The following ZNF516 variants were observed in gnomAD, a reference collection of about 807,000 sequenced individuals.
ZNF516 encodes the protein zinc finger protein 516.
Under a neutral mutation model 79.7 loss-of-function variants are expected in ZNF516, and 19 were observed. That is an observed-to-expected ratio of 0.24 (90% CI 0.17 to 0.35). The LOEUF is 0.35. ZNF516 is among the 10% of genes least tolerant of loss of function. The pLI is 1.00. For missense variants in ZNF516, 1,678 were observed against 1,679.5 expected (o/e 1.00, Z 0.02); for synonymous variants, 877 against 739.5 (o/e 1.19, Z -3.02).
At chr18:76,427,593 A>G (rs2075612386) in intron 3 of ZNF516, among the ~76,000 whole-genome samples, 1 of 152,268 alleles carries the variant, frequency 6.6e-6, no homozygotes, top group African/African-American at 2.4e-5. Context: ...ATGGTAGGGT[A>G]GAGAATGTCT....
chr18:76,492,090 G>A (rs1915262802), intron 1 of ZNF516: 9 of 900,872 alleles, frequency 1.0e-5, no homozygotes, highest in African/African-American at 1.8e-5. Context: ...CCTCCCAGGG[G>A]TCTCCCTGCA....
At chr18:76,483,437 A>C (rs1294219388) in intron 1 of ZNF516, among the ~76,000 whole-genome samples, 1 of 151,630 alleles carries the variant, frequency 6.6e-6, no homozygotes, top group Non-Finnish European at 1.5e-5. Flanking sequence ...CTCCCTGCCC[A>C]CTCCTGTGGG....
At position 76,379,510 on chromosome 18, in the gene ZNF516, C is replaced by T. The variant is rs1390447517; in HGVS notation, c.2604G>A (p.Glu868=). The change falls in exon 4 of 7, where the codon GAG becomes GAA. Residue 868 remains glutamate (E), a synonymous_variant. Coordinates refer to ENST00000443185, the MANE Select transcript of ZNF516 (RefSeq NM_014643.4). ...TKAASMPKNK[E]SHSGGPCALW... is the part of the protein sequence containing the mutation. ...GAGCGCAGGGACCTCCGGAATGGCT[C>T]TCCTTATTCTTAGGCATGCTAGCGG... The T allele has an allele frequency of 6.2e-7, 1 of 1,613,778 alleles. No homozygotes were observed. Among genetic ancestry groups the T allele is most frequent in the Non-Finnish European group, 8.5e-7 (1 of 1,179,900 alleles).
chr18:76,371,403 C>T, intron 5 of ZNF516, 64 bp downstream of exon 5: 1 of 1,472,430 alleles, frequency 6.8e-7, no homozygotes, highest in Non-Finnish European at 9.2e-7. Context: ...ATGGTCAAGC[C>T]ACTGACAGAA....
chr18:76,404,795 G>A (rs1227766694), intron 3 of ZNF516, among the ~76,000 whole-genome samples: 1 of 152,122 alleles, frequency 6.6e-6, no homozygotes, highest in East Asian at 1.9e-4. Flanking sequence ...GTGAGCATAT[G>A]TGTGCATGTT....
intron 1 of ZNF516, among the ~76,000 whole-genome samples, chr18:76,491,355 C>G (rs1488194909): frequency 7.5e-6 from 1 of 133,814 alleles, no homozygotes; most frequent in African/African-American, 2.8e-5. Context: ...CTTCCCCCCG[C>G]AGCCCCCTCT....
intron 2 of ZNF516, among the ~76,000 whole-genome samples, chr18:76,456,752 T>TGGGGG (rs5826456): frequency 8.5e-6 from 1 of 117,598 alleles, no homozygotes; most frequent in South Asian, 2.7e-4. Flanking sequence ...GGCTGGGGGG[T>TGGGGG]GGGGGGGGGC....
At position 76,362,537 on chromosome 18, in the gene ZNF516, T is replaced by C; in HGVS notation, c.3453A>G (p.Thr1151=). 6.2e-7 allele frequency: 1 copy of C among 1,612,778 alleles called. No homozygotes were observed. Among genetic ancestry groups the C allele is most frequent in the Non-Finnish European group, 8.5e-7 (1 of 1,178,860 alleles). ...APKQGRDHSN[T]GTVQTVPLRK... is the part of the protein sequence containing the mutation. ...TCAGAGGCACTGTCTGGACGGTACC[T>C]GTGTTAGAATGGTCTCTCCCCTGGG... Residue 1151 remains threonine (T), a synonymous_variant, in exon 7 of 7, where the codon ACA becomes ACG. Transcript: ENST00000443185.
chr18:76,470,550 T>A (rs944272990), intron 1 of ZNF516, among the ~76,000 whole-genome samples: 1 of 152,234 alleles, frequency 6.6e-6, no homozygotes, highest in African/African-American at 2.4e-5. Context: ...AACCCTCTTC[T>A]GTGCTCTCTG....
intron 3 of ZNF516, among the ~76,000 whole-genome samples, chr18:76,407,611 A>C (rs17059325): frequency 0.3 from 46,095 of 152,132 alleles, 7,592 homozygotes; most frequent in East Asian, 0.47. Context: ...GTCCACCACC[A>C]AGCATCATTC....
rs1013529377 is a variant in ZNF516 at position 76,361,682 on chromosome 18, G to A, written c.*816C>T. 1 of 152,246 alleles carries A rather than the reference G, an allele frequency of 6.6e-6. No homozygotes were observed. The highest frequency in any genetic ancestry group is 6.5e-5 in the Admixed American group (1 of 15,290). The allele number at this position is 152,246 out of a possible 1,614,324, so 9.4% of individuals were successfully genotyped here. A position where few individuals can be genotyped will look rare whatever the true frequency, so the allele number is the denominator to read the frequency against. On this transcript the variant is annotated 3_prime_UTR_variant, in exon 7 of 7. Coordinates refer to ENST00000443185, the MANE Select transcript of ZNF516 (RefSeq NM_014643.4). ...TTCCTTTGTAAGCAGTTTGCAGAATGTAGCCCTGTTACAAAAAGGTCCTGA... is the reference window on the plus strand; with the variant it reads ...TTCCTTTGTAAGCAGTTTGCAGAATATAGCCCTGTTACAAAAAGGTCCTGA...
chr18:76,407,335 G>A (rs2075316436), intron 3 of ZNF516, among the ~76,000 whole-genome samples: 1 of 152,204 alleles, frequency 6.6e-6, no homozygotes, highest in Non-Finnish European at 1.5e-5. Flanking sequence ...TGAGGTGAGA[G>A]GAACCCTTGA....
At chr18:76,418,412 CG>C (rs1277545174) in intron 3 of ZNF516, among the ~76,000 whole-genome samples, 3 of 152,058 alleles carry the variant, frequency 2.0e-5, no homozygotes, top group East Asian at 1.9e-4. Flanking sequence ...ATAACATACA[CG>C]GTAACATGCT....
chr18:76,489,689 A>G (rs1037149948), intron 1 of ZNF516, among the ~76,000 whole-genome samples: 4 of 152,188 alleles, frequency 2.6e-5, no homozygotes, highest in African/African-American at 9.7e-5. Context: ...ACAGATAACA[A>G]TGGGAAAACA....
chr18:76,494,937 G>T (rs906119095), intron 1 of ZNF516, among the ~76,000 whole-genome samples: 2 of 145,470 alleles, frequency 1.4e-5, no homozygotes, highest in Non-Finnish European at 3.0e-5. Context: ...TGGAATTGAC[G>T]AGCAGAGCAA....
At position 76,379,674 on chromosome 18, in the gene ZNF516, C is replaced by T. The variant is rs760165320; in HGVS notation, c.2440G>A (p.Gly814Arg). Residue 814 changes from glycine to arginine, a missense_variant, in exon 4 of 7, where the codon GGA (glycine) becomes AGA (arginine). Coordinates refer to ENST00000443185, the MANE Select transcript of ZNF516 (RefSeq NM_014643.4). ...RSNLVFLSRS[G>R]RTGPPPALGG... ...AGGGCAGGCGGGGGGCCCGTGCGTC[C>T]GCTCCGGGAAAGGAAAACCAAATTG... 7 of 1,613,610 alleles carry T rather than the reference C, an allele frequency of 4.3e-6. No homozygotes were observed. Among genetic ancestry groups the T allele is most frequent in the East Asian group, 2.2e-5 (1 of 44,870 alleles).
chr18:76,464,921 T>A (rs1458694513), intron 1 of ZNF516, among the ~76,000 whole-genome samples: 1 of 152,160 alleles, frequency 6.6e-6, no homozygotes, highest in African/African-American at 2.4e-5. Context: ...AGCCCCAGTA[T>A]CTTTAGTGAT....
Position 76,395,903 on chromosome 18 carries a change from C to T in ZNF516, c.1811-15600G>A, listed in dbSNP as rs1337566510. ...CCGCTCCTCGTCCAGCTCCCCACACCGCGAGCTTCACCGTCCGGAAGTGCG... is the reference window on the plus strand; with the variant it reads ...CCGCTCCTCGTCCAGCTCCCCACACTGCGAGCTTCACCGTCCGGAAGTGCG... On this transcript the variant is annotated intron_variant, in intron 3 of 6. Transcript: ENST00000443185. Among the ~76,000 whole-genome samples the T allele has an allele frequency of 7.9e-5, 12 of 152,174 alleles. No individual in the cohort carries two copies. In the South Asian group the frequency reaches 1.2e-3, roughly 16 times the overall value.
At chr18:76,386,595 A>C (rs1440818902) in intron 3 of ZNF516, 2 of 152,218 alleles carry the variant, frequency 1.3e-5, no homozygotes, top group South Asian at 2.1e-4. Context: ...AATTCTAAGG[A>C]GCCTCAGGAA....
Sources: allele counts gnomAD v4.1 joint callset (sites outside exome capture counted in the v4.1 genomes callset), GRCh38; gene constraint gnomAD v4.1.1; transcripts MANE v1.5; gene names NCBI Gene and HGNC (gene_info 2026-07-23, HGNC 2026-07-21).